TRPC6: variants seen among roughly 807,000 people sequenced by gnomAD.
The protein encoded by TRPC6 is transient receptor potential cation channel subfamily C member 6, also known as short transient receptor potential channel 6.
TRPC6 carries 55 observed loss-of-function variants against 90.7 expected under a neutral mutation model. That is an observed-to-expected ratio of 0.61 (90% CI 0.49 to 0.76). The LOEUF (loss-of-function observed/expected upper bound fraction) is 0.76, where lower values mean the gene tolerates loss of function less well. Ranked by LOEUF, TRPC6 falls within the 30% of genes least tolerant of loss-of-function variation. The pLI, the probability that TRPC6 is intolerant of heterozygous loss-of-function variation, is 0.00. For synonymous variants in TRPC6, 393 were observed against 393.0 expected (o/e 1.00, Z 0.00); for missense variants, 989 against 1,122.7 (o/e 0.88, Z 1.70).
intron 10 of TRPC6, among the ~76,000 whole-genome samples, chr11:101,461,874 G>A (rs1307148560): frequency 6.6e-6 from 1 of 152,158 alleles, no homozygotes; most frequent in Non-Finnish European, 1.5e-5. Context: ...TTTCACCAAG[G>A]AAGAGGAATG....
At chr11:101,526,230 G>A (rs1017714864) in intron 1 of TRPC6, among the ~76,000 whole-genome samples, 3 of 152,060 alleles carry the variant, frequency 2.0e-5, no homozygotes, top group Non-Finnish European at 4.4e-5. Flanking sequence ...CCCCTCTAAT[G>A]AATGGAACTG....
At position 101,477,627 on chromosome 11, in the gene TRPC6, TTTC is replaced by T. The variant is rs141136767; in HGVS notation, c.1511-1096_1511-1094del. On this transcript the variant is annotated intron_variant, in intron 5 of 12. Transcript: ENST00000344327. Reference sequence around the variant, plus strand: ...GATCAGGCTACCATGGATTCGAGAATTTCTTCTTCCATTTGTCAGCTATGAAGT... The same window carrying T: ...GATCAGGCTACCATGGATTCGAGAATTTCTTCCATTTGTCAGCTATGAAGT... Among the ~76,000 whole-genome samples the T allele has an allele frequency of 3.3e-3, 508 of 152,300 alleles. 3 individuals carry two copies. Among genetic ancestry groups the T allele is most frequent in the African/African-American group, 0.011 (468 of 41,568 alleles).
At chr11:101,534,583 T>TAA (rs201189266) in intron 1 of TRPC6, among the ~76,000 whole-genome samples, 1 of 145,676 alleles carries the variant, frequency 6.9e-6, no homozygotes, top group African/African-American at 2.5e-5. Flanking sequence ...GGAAGTTTAT[T>TAA]AAAAAAAAAA....
intron 1 of TRPC6, among the ~76,000 whole-genome samples, chr11:101,530,912 A>T (rs1370216249): frequency 2.0e-5 from 3 of 152,338 alleles, no homozygotes; most frequent in Middle Eastern, 3.4e-3. Flanking sequence ...GAATCTTGGA[A>T]AGTCAAACAC....
intron 2 of TRPC6, among the ~76,000 whole-genome samples, chr11:101,503,101 G>A (rs1351626620): frequency 6.6e-6 from 1 of 152,116 alleles, no homozygotes; most frequent in African/African-American, 2.4e-5. Flanking sequence ...AAAGGTGATG[G>A]GCATTAGAGG....
In TRPC6 at chr11:101,583,559, TC is replaced by T; in HGVS notation, c.-57del. On this transcript the variant is annotated 5_prime_UTR_variant, in exon 1 of 13. Coordinates refer to ENST00000344327, the MANE Select transcript of TRPC6 (RefSeq NM_004621.6). ...CTCCCGGGGGAGCCGAGTGGGCAGT[TC>T]CAGCGGGGACCCGGTGCGGAGGGTT... The T allele has an allele frequency of 7.1e-7, 1 of 1,403,120 alleles. No homozygotes were observed. Among genetic ancestry groups the T allele is most frequent in the South Asian group, 1.6e-5 (1 of 63,218 alleles). 86.9% of individuals were successfully genotyped at this position (1,403,120 alleles called of 1,614,324 possible). A position where few individuals can be genotyped will look rare whatever the true frequency, so the allele number is the denominator to read the frequency against.
intron 1 of TRPC6, among the ~76,000 whole-genome samples, chr11:101,508,123 C>A (rs1416940001): frequency 6.6e-6 from 1 of 151,984 alleles, no homozygotes; most frequent in African/African-American, 2.4e-5. Context: ...AAGGCACAAA[C>A]ATTTTTTCTT....
intron 1 of TRPC6, among the ~76,000 whole-genome samples, chr11:101,518,751 C>T (rs564675380): frequency 7.9e-5 from 12 of 152,290 alleles, no homozygotes; most frequent in South Asian, 6.2e-4. Flanking sequence ...ATGTTTGTTG[C>T]AGCACTGCTT....
chr11:101,502,860 T>C (rs1860162804), intron 2 of TRPC6, among the ~76,000 whole-genome samples: 1 of 152,168 alleles, frequency 6.6e-6, no homozygotes, highest in African/African-American at 2.4e-5. Context: ...TGACATCTGA[T>C]ACTGGGGTGA....
At chr11:101,495,297 T>C (rs189138375) in intron 2 of TRPC6, among the ~76,000 whole-genome samples, 168 of 152,330 alleles carry the variant, frequency 1.1e-3, no homozygotes, top group African/African-American at 3.8e-3. Context: ...GATTTTAATC[T>C]CTGGCTCTTC....
At chr11:101,491,833 ATTCTTTTTT>A in intron 2 of TRPC6, 95 bp from the exon 3 acceptor site, 4 of 778,588 alleles carry the variant, frequency 5.1e-6, no homozygotes, top group South Asian at 4.0e-5. Context: ...TAAGAGAAAC[ATTCTTTTTT>A]TTTTTTTTTT....
At chr11:101,480,622 A>G (rs1317911286) in intron 5 of TRPC6, among the ~76,000 whole-genome samples, 3 of 151,566 alleles carry the variant, frequency 2.0e-5, no homozygotes, top group Admixed American at 6.6e-5. Context: ...CTTGTCCTAA[A>G]ACAGTCATGT....
Position 101,469,453 on chromosome 11 carries a change from A to G in TRPC6, c.2458T>C (p.Ser820Pro), listed in dbSNP as rs373372163. 1.2e-5 allele frequency: 9 copies of G among 773,004 alleles called. No individual in the cohort carries two copies. Among genetic ancestry groups the G allele is most frequent in the Admixed American group, 3.4e-5 (2 of 58,432 alleles). The allele number at this position is 773,004 out of a possible 1,614,324, so 47.9% of individuals were successfully genotyped here. A position where few individuals can be genotyped will look rare whatever the true frequency, so the allele number is the denominator to read the frequency against. The change falls in exon 10 of 13, where the codon TCA becomes CCA. Residue 820 changes from serine (S) to proline (P), a missense_variant. By Grantham distance (74) the Ser-to-Pro change is moderately conservative (BLOSUM62 -1). Coordinates refer to ENST00000344327, the MANE Select transcript of TRPC6 (RefSeq NM_004621.6). ...TGTTTTTTGTCAAGTGATAATTTTG[A>G]AAGGTCTTCATGACTTCCTAAAATT... ...LGILGSHEDL[S>P]KLSLDKKQVG... is the part of the protein sequence containing the mutation.
At chr11:101,508,822 A>G (rs1236808227) in intron 1 of TRPC6, among the ~76,000 whole-genome samples, 1 of 152,160 alleles carries the variant, frequency 6.6e-6, no homozygotes, top group Non-Finnish European at 1.5e-5. Flanking sequence ...AAACTGACAC[A>G]AAATAGTAAC....
chr11:101,500,829 T>C (rs1312588303), intron 2 of TRPC6, among the ~76,000 whole-genome samples: 1 of 152,114 alleles, frequency 6.6e-6, no homozygotes, highest in Non-Finnish European at 1.5e-5. Context: ...GATGCAGCTA[T>C]TCTGAACATT....
At chr11:101,507,333 T>G (rs1860298728) in intron 1 of TRPC6, among the ~76,000 whole-genome samples, 1 of 150,830 alleles carries the variant, frequency 6.6e-6, no homozygotes, top group Admixed American at 6.6e-5. Flanking sequence ...AGTGGGTATT[T>G]TTTTTTTTCA....
chr11:101,559,503 T>G (rs1392925935), intron 1 of TRPC6, among the ~76,000 whole-genome samples: 2 of 146,756 alleles, frequency 1.4e-5, no homozygotes, highest in Non-Finnish European at 3.0e-5. Context: ...TGAATACACC[T>G]CTAAATAAAA....
chr11:101,506,714 T>C (rs1860276966), intron 1 of TRPC6, among the ~76,000 whole-genome samples: 1 of 152,252 alleles, frequency 6.6e-6, no homozygotes, highest in East Asian at 1.9e-4. Flanking sequence ...CATATGCAAC[T>C]TTTATTATAA....
At chr11:101,493,207 CT>C (rs1295277403) in intron 2 of TRPC6, among the ~76,000 whole-genome samples, 4 of 152,170 alleles carry the variant, frequency 2.6e-5, no homozygotes, top group African/African-American at 9.7e-5. Flanking sequence ...GAAGAATTGT[CT>C]TGGGCCACAC....
Sources: allele counts gnomAD v4.1 joint callset (sites outside exome capture counted in the v4.1 genomes callset), GRCh38; gene constraint gnomAD v4.1.1; transcripts MANE v1.5; gene names NCBI Gene and HGNC (gene_info 2026-07-23, HGNC 2026-07-21).